FAM184A: variants seen among roughly 807,000 people sequenced by gnomAD.
FAM184A encodes the protein protein FAM184A.
A neutral mutation model predicts 143.8 loss-of-function variants in FAM184A; 99 were observed. The ratio of observed to expected loss-of-function variants is 0.69; its 90% CI spans 0.58 to 0.81. The LOEUF is 0.81. Ranked by LOEUF, FAM184A falls within the 40% of genes least tolerant of loss-of-function variation. FAM184A has a pLI of 0.00. For synonymous variants in FAM184A, 427 were observed against 446.4 expected (o/e 0.96, Z 0.55); for missense variants, 1,217 against 1,310.5 (o/e 0.93, Z 1.10).
Position 119,092,583 on chromosome 6 carries a change from G to T in FAM184A, c.-202+56495C>A, listed in dbSNP as rs185627800. Among the ~76,000 whole-genome samples, 23 of 152,232 alleles carry T rather than the reference G, an allele frequency of 1.5e-4. No individual in the cohort carries two copies. In the East Asian group the frequency reaches 4.2e-3, roughly 28 times the overall value. On this transcript the variant is annotated intron_variant, in intron 1 of 16. Transcript: ENST00000352896. ...TATCAATGGGGCCATGATAGCATTT[G>T]GGTCCCCTGTTATTAGTGTCACCTC...
At chr6:119,023,108 A>C (rs751216448) in intron 2 of FAM184A, 28 bp from the exon 3 acceptor site, 5 of 1,611,718 alleles carry the variant, frequency 3.1e-6, no homozygotes. Context: ...GCCATTGTTA[A>C]AATGCAGGAA....
At chr6:119,029,277 G>C (rs1299752161) in intron 1 of FAM184A, among the ~76,000 whole-genome samples, 1 of 152,236 alleles carries the variant, frequency 6.6e-6, no homozygotes, top group East Asian at 1.9e-4. Context: ...GTCCCTGGTG[G>C]AATTCATATT....
rs150392920 is a variant in FAM184A at position 119,016,160 on chromosome 6, G to A, written c.1530+587C>T. Among the ~76,000 whole-genome samples the A allele has an allele frequency of 3.4e-3, 525 of 152,238 alleles. 5 individuals are homozygous for A. The highest frequency in any genetic ancestry group is 0.012 in the African/African-American group (502 of 41,534). Reference sequence around the variant, plus strand: ...GGAGAACCTTTGTATCTAGCTCAGGGATTGTAAATGCACCAATCAGCGCCC... The same window carrying A: ...GGAGAACCTTTGTATCTAGCTCAGGAATTGTAAATGCACCAATCAGCGCCC... On this transcript the variant is annotated intron_variant, in intron 5 of 17. Transcript: ENST00000338891.
intron 1 of FAM184A, among the ~76,000 whole-genome samples, chr6:119,107,568 C>A (rs979989185): frequency 3.9e-5 from 6 of 152,204 alleles, no homozygotes; most frequent in Middle Eastern, 6.8e-3. Context: ...TCGAGACCAG[C>A]CTGGCCAATG....
chr6:119,025,416 A>G, intron 1 of FAM184A: 1 of 517,912 alleles, frequency 1.9e-6, no homozygotes, highest in Non-Finnish European at 3.9e-6. Context: ...ATCTCTTTAT[A>G]AAATCCAATT....
chr6:119,089,699 C>T (rs902484089), intron 1 of FAM184A, among the ~76,000 whole-genome samples: 1 of 152,100 alleles, frequency 6.6e-6, no homozygotes, highest in African/African-American at 2.4e-5. Flanking sequence ...CCTAACACAC[C>T]CAAAGCATGG....
chr6:118,974,395 C>T, intron 14 of FAM184A, 33 bp downstream of exon 14: 1 of 1,566,024 alleles, frequency 6.4e-7, no homozygotes, highest in Non-Finnish European at 8.7e-7. Context: ...ATTTATTATC[C>T]ACATATGAAT....
At chr6:119,037,078 TC>T (rs1786142385) in intron 1 of FAM184A, among the ~76,000 whole-genome samples, 2 of 152,206 alleles carry the variant, frequency 1.3e-5, no homozygotes, top group Non-Finnish European at 2.9e-5. Context: ...GTTAAAAACT[TC>T]CTAGTTATTA....
chr6:119,071,950 C>T (rs1787704405), intron 1 of FAM184A, among the ~76,000 whole-genome samples: 1 of 151,182 alleles, frequency 6.6e-6, no homozygotes, highest in Non-Finnish European at 1.5e-5. Flanking sequence ...CAACCTCCGC[C>T]TCCTGGGTTC....
At chr6:119,001,049 G>T (rs891821830) in intron 9 of FAM184A, among the ~76,000 whole-genome samples, 5 of 150,524 alleles carry the variant, frequency 3.3e-5, no homozygotes, top group Admixed American at 1.3e-4. Flanking sequence ...ACAAGATCCA[G>T]AGCCAAGAAG....
At chr6:119,069,547 C>CGACA (rs1440742478) in intron 1 of FAM184A, among the ~76,000 whole-genome samples, 1 of 152,010 alleles carries the variant, frequency 6.6e-6, no homozygotes, top group Non-Finnish European at 1.5e-5. Context: ...TATCCAAATG[C>CGACA]GACACTTCAT....
chr6:119,087,269 C>T (rs961209461), intron 1 of FAM184A, among the ~76,000 whole-genome samples: 1 of 151,832 alleles, frequency 6.6e-6, no homozygotes, highest in Non-Finnish European at 1.5e-5. Context: ...AACTTTTATG[C>T]GTCAAAAGAT....
upstream of FAM184A, among the ~76,000 whole-genome samples, chr6:119,081,129 A>G (rs1788050434): frequency 6.6e-6 from 1 of 152,166 alleles, no homozygotes; most frequent in Admixed American, 6.5e-5. Flanking sequence ...CCCCTCAGAA[A>G]ACTTACAACA....
At chr6:119,119,030 T>C (rs1789137837) in intron 1 of FAM184A, among the ~76,000 whole-genome samples, 1 of 152,176 alleles carries the variant, frequency 6.6e-6, no homozygotes, top group Admixed American at 6.5e-5. Flanking sequence ...TGCGGCTGTC[T>C]TCTATGGTCG....
chr6:119,025,447 T>C, intron 1 of FAM184A: 1 of 518,988 alleles, frequency 1.9e-6, no homozygotes. Flanking sequence ...CTCTTCATAT[T>C]TCAAATGCTG....
chr6:118,960,215 C>T (rs1222597846), intron 17 of FAM184A, 31 bp from the exon 18 acceptor site: 3 of 1,586,870 alleles, frequency 1.9e-6, no homozygotes, highest in Non-Finnish European at 2.6e-6. Flanking sequence ...ACATGTAACC[C>T]AGCATTAAGT....
At chr6:118,979,195 T>G (rs761101575) in intron 11 of FAM184A, among the ~76,000 whole-genome samples, 170 bp downstream of exon 11, 4 of 152,226 alleles carry the variant, frequency 2.6e-5, no homozygotes, top group Non-Finnish European at 5.9e-5. Flanking sequence ...ACTTTACTGT[T>G]TGTGTCCTGC....
intron 1 of FAM184A, among the ~76,000 whole-genome samples, chr6:119,040,461 G>A (rs893887259): frequency 2.0e-5 from 3 of 152,050 alleles, no homozygotes; most frequent in African/African-American, 2.4e-5. Flanking sequence ...ACTCTGCTCC[G>A]CCCAGCTGAT....
chr6:119,041,692 C>T (rs1582544017), intron 1 of FAM184A, among the ~76,000 whole-genome samples: 1 of 152,130 alleles, frequency 6.6e-6, no homozygotes, highest in African/African-American at 2.4e-5. Context: ...TTCGCAGACC[C>T]GCCGCTGACT....
Sources: gnomAD v4.1 joint callset for allele counts (sites outside exome capture counted in the v4.1 genomes callset) on GRCh38, gnomAD v4.1.1 for gene constraint, MANE v1.5 for transcripts, NCBI Gene and HGNC (gene_info 2026-07-23, HGNC 2026-07-21) for gene names.